Variants in RARB observed in about 807,000 individuals in gnomAD.
RARB encodes HBV-activated protein.
RARB carries 17 observed loss-of-function variants against 51.9 expected under a neutral mutation model. That is an observed-to-expected ratio of 0.33 (90% CI 0.22 to 0.49). The LOEUF (loss-of-function observed/expected upper bound fraction) is 0.49. Ranked by LOEUF, RARB falls within the 20% of genes least tolerant of loss-of-function variation. The pLI is 0.99. For synonymous variants in RARB, 215 were observed against 195.4 expected, an observed-to-expected ratio of 1.10 and a Z score of -0.84; for missense variants, 369 against 550.8, an observed-to-expected ratio of 0.67 and a Z score of 3.30.
chr3:25,505,828 C>T (rs2040817735), intron 3 of RARB, among the ~76,000 whole-genome samples: 1 of 151,412 alleles, frequency 6.6e-6, no homozygotes, highest in Non-Finnish European at 1.5e-5. Flanking sequence ...AAGCATGTGG[C>T]AAAGCCCTGA....
chr3:25,512,258 A>G (rs1575475616), intron 3 of RARB, among the ~76,000 whole-genome samples: 1 of 152,190 alleles, frequency 6.6e-6, no homozygotes, highest in Non-Finnish European at 1.5e-5. Context: ...TAGTGATTGT[A>G]CAGGACAGCT....
At chr3:25,556,477 T>C (rs1489948831) in intron 3 of RARB, among the ~76,000 whole-genome samples, 1 of 152,234 alleles carries the variant, frequency 6.6e-6, no homozygotes, top group Non-Finnish European at 1.5e-5. Context: ...GTTATAGTCC[T>C]CATTACATTC....
chr3:25,330,987 T>A (rs548354912), intron 5 of RARB, among the ~76,000 whole-genome samples: 5 of 152,178 alleles, frequency 3.3e-5, no homozygotes, highest in African/African-American at 1.2e-4. Flanking sequence ...GTGCTAAATA[T>A]ATATGCACCC....
intron 2 of RARB, among the ~76,000 whole-genome samples, chr3:25,053,020 T>A (rs150714522): frequency 5.1e-4 from 78 of 152,282 alleles, no homozygotes; most frequent in African/African-American, 1.8e-3. Context: ...AGCATTCCAA[T>A]TTAGTTGAGA....
At chr3:25,289,733 G>T (rs1304733745) in intron 5 of RARB, among the ~76,000 whole-genome samples, 1 of 148,508 alleles carries the variant, frequency 6.7e-6, no homozygotes, top group African/African-American at 2.4e-5. Flanking sequence ...TGGGAGGAAG[G>T]CGAAGGATTT....
Position 25,333,466 on chromosome 3 carries a change from C to G in RARB, c.179-127727C>G, listed in dbSNP as rs562602389. Among the ~76,000 whole-genome samples the G allele has an allele frequency of 8.1e-3, 1,234 of 152,058 alleles. 9 individuals are homozygous for G. The highest frequency in any genetic ancestry group is 0.011 in the Non-Finnish European group (745 of 67,896). Reference sequence around the variant, plus strand: ...TAATAAATGGTGCTGGGAAAACTGGCTAGCCATATGTAGAAAGCTGAAACT... The same window carrying G: ...TAATAAATGGTGCTGGGAAAACTGGGTAGCCATATGTAGAAAGCTGAAACT... On this transcript the variant is annotated intron_variant, in intron 5 of 11. Transcript: ENST00000383772.
At chr3:25,395,318 A>G (rs1707086127) in intron 5 of RARB, among the ~76,000 whole-genome samples, 1 of 152,180 alleles carries the variant, frequency 6.6e-6, no homozygotes, top group Non-Finnish European at 1.5e-5. Flanking sequence ...CTTTTGCCTC[A>G]CAGCTCTTGA....
intron 2 of RARB, among the ~76,000 whole-genome samples, chr3:24,881,720 C>G (rs566038752): frequency 1.3e-5 from 2 of 152,198 alleles, no homozygotes; most frequent in African/African-American, 2.4e-5. Flanking sequence ...CCAAGAATGT[C>G]AAAATAAGAG....
chr3:25,391,929 A>G lies in RARB; in HGVS notation c.179-69264A>G, dbSNP rs73157863. Among the ~76,000 whole-genome samples, 832 of 151,962 alleles carry G rather than the reference A, an allele frequency of 5.5e-3. 7 individuals are homozygous for G. The highest frequency in any genetic ancestry group is 0.019 in the African/African-American group (787 of 41,434). On this transcript the variant is annotated intron_variant, in intron 5 of 11. Coordinates refer to the RARB transcript ENST00000383772. ...ATCTATTTATCTTTGTTTTTATTGC[A>G]TTTGCTTTTGAATTCTTGGACATGA...
At chr3:24,983,441 T>A in intron 2 of RARB, among the ~76,000 whole-genome samples, 1 of 152,156 alleles carries the variant, frequency 6.6e-6, no homozygotes, top group South Asian at 2.1e-4. Flanking sequence ...TAGGTATACA[T>A]GTGCCATGGT....
At chr3:25,216,069 G>A (rs1701826163) in intron 5 of RARB, among the ~76,000 whole-genome samples, 2 of 152,132 alleles carry the variant, frequency 1.3e-5, no homozygotes. Context: ...TCAGAGAGGT[G>A]CAGGTATACA....
intron 2 of RARB, among the ~76,000 whole-genome samples, chr3:24,931,978 A>C (rs896528115): frequency 6.6e-6 from 1 of 152,102 alleles, no homozygotes; most frequent in Non-Finnish European, 1.5e-5. Context: ...CCTTCCACAA[A>C]ACTTGATTTG....
At chr3:24,972,602 A>G (rs1251763667) in intron 2 of RARB, among the ~76,000 whole-genome samples, 1 of 151,946 alleles carries the variant, frequency 6.6e-6, no homozygotes, top group Non-Finnish European at 1.5e-5. Context: ...TTACATTCCC[A>G]CCAGCAGTGG....
intron 2 of RARB, among the ~76,000 whole-genome samples, chr3:25,486,300 AT>A (rs759954147): frequency 6.6e-6 from 1 of 152,214 alleles, no homozygotes; most frequent in African/African-American, 2.4e-5. Flanking sequence ...TGTAGAGATC[AT>A]TTCAGACTTG....
At chr3:24,848,036 A>T (rs1440462506) in intron 1 of RARB, among the ~76,000 whole-genome samples, 1 of 151,446 alleles carries the variant, frequency 6.6e-6, no homozygotes, top group African/African-American at 2.4e-5. Context: ...ATACATCTCC[A>T]CTCCTCTGTG....
chr3:25,218,503 C>T lies in RARB; in HGVS notation c.178+43928C>T, dbSNP rs569369288. On this transcript the variant is annotated intron_variant, in intron 5 of 11. Transcript: ENST00000383772. ...TATTTTCAAAGTGGAAGAAATTCTC[C>T]TCTCTGAATGCTGTGGCTGAAACCA... Among the ~76,000 whole-genome samples the T allele has an allele frequency of 3.3e-5, 5 of 152,256 alleles. No homozygotes were observed. In the South Asian group the frequency reaches 1.0e-3, roughly 32 times the overall value.
intron 2 of RARB, among the ~76,000 whole-genome samples, chr3:25,468,559 AAAAACACCCC>A (rs1195808474): frequency 6.6e-6 from 1 of 151,932 alleles, no homozygotes; most frequent in Non-Finnish European, 1.5e-5. Flanking sequence ...TCCTGTTAAA[AAAAACACCCC>A]ACTGCTTCAG....
chr3:25,195,342 T>G (rs2068130), intron 5 of RARB, among the ~76,000 whole-genome samples: 15,243 of 152,068 alleles, frequency 0.1, 1,017 homozygotes, highest in South Asian at 0.26. Context: ...GCAGAAAGTT[T>G]CGTATAGTTA....
At chr3:24,962,488 G>C (rs1038805079) in intron 2 of RARB, among the ~76,000 whole-genome samples, 2 of 152,102 alleles carry the variant, frequency 1.3e-5, no homozygotes, top group African/African-American at 4.8e-5. Flanking sequence ...CACTAAATCA[G>C]AGGTCCCCAA....
Sources: gnomAD v4.1 joint callset for allele counts (sites outside exome capture counted in the v4.1 genomes callset) on GRCh38, gnomAD v4.1.1 for gene constraint, MANE v1.5 for transcripts, NCBI Gene and HGNC (gene_info 2026-07-23, HGNC 2026-07-21) for gene names.